Variants in PREX2 observed in about 807,000 individuals in gnomAD.
The protein encoded by PREX2 is phosphatidylinositol-3,4,5-trisphosphate dependent Rac exchange factor 2.
A neutral mutation model predicts 203.2 loss-of-function variants in PREX2; 107 were observed. The observed-to-expected ratio is 0.53, with a 90% CI of 0.45 to 0.62. PREX2 has a LOEUF of 0.62. PREX2 is among the 20% of genes least tolerant of loss of function. The probability of loss-of-function intolerance (pLI) is 0.00; values close to 1 mark genes in which losing one functional copy is unlikely to be tolerated. For missense variants in PREX2, 1,777 were observed against 1,955.9 expected (o/e 0.91, Z 1.72); for synonymous variants, 672 against 663.6 (o/e 1.01, Z -0.19).
intron 8 of PREX2, among the ~76,000 whole-genome samples, chr8:68,047,490 T>TATATATATAC (rs1413007319): frequency 2.6e-5 from 3 of 115,320 alleles, no homozygotes; most frequent in African/African-American, 1.8e-4. Flanking sequence ...TATATATATA[T>TATATATATAC]ATATATATAT....
At chr8:67,998,549 C>T (rs774209634) in intron 1 of PREX2, among the ~76,000 whole-genome samples, 2 of 152,142 alleles carry the variant, frequency 1.3e-5, no homozygotes, top group African/African-American at 2.4e-5. Context: ...GCAGGAAGAT[C>T]GCTTGAGGTG....
Position 68,090,807 on chromosome 8 carries a change from T to C in PREX2, c.2250+92T>C. On this transcript the variant is annotated intron_variant, in intron 20 of 39. Transcript: ENST00000288368. ...GGGATAGTGCCAGAGATATTTGTGG[T>C]TTCCAATTTTAAGTTTAAAATTAAA... 5 of 1,080,262 alleles carry C rather than the reference T, an allele frequency of 4.6e-6. No homozygotes were observed. In the Middle Eastern group the frequency reaches 8.5e-4, roughly 184 times the overall value. 66.9% of individuals were successfully genotyped at this position (1,080,262 alleles called of 1,614,324 possible).
intron 5 of PREX2, among the ~76,000 whole-genome samples, chr8:68,027,795 C>A (rs1404946450): frequency 6.6e-6 from 1 of 151,974 alleles, no homozygotes; most frequent in African/African-American, 2.4e-5. Context: ...TCACATGAGA[C>A]AATAAATGAT....
At chr8:68,060,080 A>G (rs781084610) in intron 10 of PREX2, among the ~76,000 whole-genome samples, 2 of 152,198 alleles carry the variant, frequency 1.3e-5, no homozygotes, top group African/African-American at 2.4e-5. Flanking sequence ...CCTTCAGAGC[A>G]ATACCTAGAT....
chr8:67,980,314 C>A (rs907900249), intron 1 of PREX2, among the ~76,000 whole-genome samples: 1 of 152,086 alleles, frequency 6.6e-6, no homozygotes. Flanking sequence ...TACTTTTTAA[C>A]TTGGAATATT....
intron 37 of PREX2, among the ~76,000 whole-genome samples, chr8:68,208,158 T>A (rs1372470685): frequency 2.0e-5 from 3 of 152,044 alleles, no homozygotes; most frequent in African/African-American, 7.2e-5. Context: ...AGGCAGGAGA[T>A]GATATTAGTG....
At chr8:68,060,483 G>A (rs1563523594) in intron 10 of PREX2, among the ~76,000 whole-genome samples, 196 bp from the exon 11 acceptor site, 1 of 152,168 alleles carries the variant, frequency 6.6e-6, no homozygotes, top group African/African-American at 2.4e-5. Flanking sequence ...GTACAGACAT[G>A]GGTTTTCTAG....
At chr8:68,096,782 A>T (rs562693659) in intron 21 of PREX2, among the ~76,000 whole-genome samples, 2 of 152,356 alleles carry the variant, frequency 1.3e-5, no homozygotes, top group Non-Finnish European at 2.9e-5. Context: ...TGAAGTAGAT[A>T]TGCAAAGATA....
intron 7 of PREX2, among the ~76,000 whole-genome samples, chr8:68,042,720 T>C (rs903485109): frequency 1.3e-5 from 2 of 152,102 alleles, no homozygotes; most frequent in African/African-American, 4.8e-5. Context: ...TTTCAAACTA[T>C]AGGCTTTTCA....
chr8:68,081,205 A>G (rs974657640), intron 17 of PREX2, among the ~76,000 whole-genome samples: 25 of 152,180 alleles, frequency 1.6e-4, no homozygotes, highest in Admixed American at 2.6e-4. Context: ...TTAGAGTGTC[A>G]TAAGGTATGG....
At chr8:68,062,552 A>G (rs893045091) in intron 11 of PREX2, among the ~76,000 whole-genome samples, 21 of 152,076 alleles carry the variant, frequency 1.4e-4, no homozygotes, top group Admixed American at 3.9e-4. Flanking sequence ...ATGACTTCCT[A>G]TTTAGGACCT....
At chr8:67,982,998 ATTTAGTTGAACCACATT>A (rs945421282) in intron 1 of PREX2, among the ~76,000 whole-genome samples, 66 of 152,238 alleles carry the variant, frequency 4.3e-4, no homozygotes, top group African/African-American at 1.4e-3. Context: ...TCTTTATTTG[ATTTAGTTGAACCACATT>A]GTTAAGCTTT....
intron 11 of PREX2, among the ~76,000 whole-genome samples, chr8:68,061,610 G>C (rs1486044997): frequency 6.6e-6 from 1 of 152,188 alleles, no homozygotes; most frequent in African/African-American, 2.4e-5. Flanking sequence ...TCTGGATGTG[G>C]GTGATGAAGA....
chr8:68,004,363 G>A (rs1429231173), intron 1 of PREX2, among the ~76,000 whole-genome samples: 1 of 152,196 alleles, frequency 6.6e-6, no homozygotes, highest in Non-Finnish European at 1.5e-5. Context: ...GAAAAAGTAA[G>A]TTTGAATGGT....
intron 1 of PREX2, among the ~76,000 whole-genome samples, chr8:68,013,252 C>T (rs1807317366): frequency 6.6e-6 from 1 of 152,050 alleles, no homozygotes; most frequent in African/African-American, 2.4e-5. Context: ...CTTTTGTCTT[C>T]CCCATCTCTA....
chr8:68,035,567 G>A (rs1263403897), intron 6 of PREX2, among the ~76,000 whole-genome samples: 1 of 148,812 alleles, frequency 6.7e-6, no homozygotes, highest in African/African-American at 2.6e-5. Context: ...GAAATCAGCA[G>A]CATGGTGGGT....
rs143944330 is a variant in PREX2, at chr8:68,056,316, A to G, written c.1238+342A>G. ...ACTGGTTGGGCACAGACATGTATAC[A>G]CATGGGCCTGAAAGTCAGAATCAGA... On this transcript the variant is annotated intron_variant, in intron 10 of 39. Coordinates refer to ENST00000288368, the MANE Select transcript of PREX2 (RefSeq NM_024870.4). 3.3e-5 allele frequency among the ~76,000 whole-genome samples: 5 copies of G among 152,310 alleles called. No homozygotes were observed. The East Asian group carries it at 9.7e-4, about 29-fold the overall frequency.
At chr8:68,105,631 G>A (rs1810386691) in intron 23 of PREX2, 6 of 983,530 alleles carry the variant, frequency 6.1e-6, no homozygotes, top group Non-Finnish European at 7.3e-6. Context: ...TATATATACA[G>A]TCATGCACTG....
chr8:68,058,600 A>AT (rs5892128), intron 10 of PREX2, among the ~76,000 whole-genome samples: 45,006 of 151,710 alleles, frequency 0.3, 6,838 homozygotes, highest in Admixed American at 0.32. Flanking sequence ...CACCCGGCTG[A>AT]TTTTTTAAAT....
Sources: allele counts gnomAD v4.1 joint callset (sites outside exome capture counted in the v4.1 genomes callset), GRCh38; gene constraint gnomAD v4.1.1; transcripts MANE v1.5; gene names NCBI Gene and HGNC (gene_info 2026-07-23, HGNC 2026-07-21).